The following ZDHHC18 variants were observed in gnomAD, a reference collection of about 807,000 sequenced individuals.
The protein encoded by ZDHHC18 is palmitoyltransferase ZDHHC18.
ZDHHC18 carries 23 observed loss-of-function variants against 37.5 expected under a neutral mutation model. That is an observed-to-expected ratio of 0.61 (90% CI 0.44 to 0.87). The LOEUF (loss-of-function observed/expected upper bound fraction) is 0.87, where lower values mean the gene tolerates loss of function less well. ZDHHC18 is among the 40% of genes least tolerant of loss of function. ZDHHC18 has a pLI of 0.00. For synonymous variants in ZDHHC18, 185 were observed against 218.7 expected (o/e 0.85, Z 1.36); for missense variants, 406 against 525.6 (o/e 0.77, Z 2.22).
chr1:26,844,335 G>A (rs1044825481), intron 2 of ZDHHC18, among the ~76,000 whole-genome samples: 2 of 152,138 alleles, frequency 1.3e-5, no homozygotes, highest in African/African-American at 2.4e-5. Flanking sequence ...CACTGCACCC[G>A]GCCAGACAAT....
Position 26,826,976 on chromosome 1 carries a change from G to T in ZDHHC18, c.172G>T (p.Gly58Trp), listed in dbSNP as rs1430496498. Residue 58 changes from glycine to tryptophan, a missense_variant, in exon 1 of 8, where the codon GGG becomes TGG. By Grantham distance (184) the Gly-to-Trp change is radical. Transcript: ENST00000374142. The surrounding 1 kb of genome is among the most constrained non-coding windows in gnomAD (Gnocchi z 5.2). Reference protein sequence around the residue: ...WSSSGSGSGSGSGSLGRRPRR... With the variant: ...WSSSGSGSGSWSGSLGRRPRR... ...CAGCAGCGGCAGCGGCAGCGGCAGCGGGAGCGGGAGCCTCGGCCGCCGCCC... is the reference window on the plus strand; with the variant it reads ...CAGCAGCGGCAGCGGCAGCGGCAGCTGGAGCGGGAGCCTCGGCCGCCGCCC... 2.6e-5 allele frequency: 32 copies of T among 1,221,952 alleles called. No homozygotes were observed. The highest frequency in any genetic ancestry group is 3.3e-5 in the Non-Finnish European group (32 of 981,622). The allele number at this position is 1,221,952 out of a possible 1,614,324, so 75.7% of individuals were successfully genotyped here. A position where few individuals can be genotyped will look rare whatever the true frequency, so the allele number is the denominator to read the frequency against.
intron 1 of ZDHHC18, among the ~76,000 whole-genome samples, chr1:26,830,804 T>C (rs1473217552): frequency 2.0e-5 from 3 of 152,068 alleles, no homozygotes; most frequent in Non-Finnish European, 4.4e-5. Context: ...GTTGTTGAGA[T>C]AGAGTTTTGC....
At chr1:26,852,983 C>A (rs2081714438) in intron 7 of ZDHHC18, 118 bp downstream of exon 7, 3 of 769,454 alleles carry the variant, frequency 3.9e-6, no homozygotes, top group African/African-American at 3.5e-5. Context: ...CCACTACCCC[C>A]TGGAGGGCAT....
chr1:26,847,687 C>G (rs2081677798), intron 2 of ZDHHC18, among the ~76,000 whole-genome samples: 1 of 151,400 alleles, frequency 6.6e-6, no homozygotes, highest in Non-Finnish European at 1.5e-5. Flanking sequence ...TTCTCTCTCT[C>G]TCTTTTTTTT....
rs1433563792 is a variant in ZDHHC18, at chr1:26,850,304, G to C, written c.650G>C (p.Arg217Pro). Residue 217 changes from arginine (R) to proline (P), a missense_variant, in exon 4 of 8, where the codon CGA (arginine) becomes CCA (proline). Physicochemically the swap from Arg to Pro is moderately radical, Grantham distance 103. Transcript: ENST00000374142. The surrounding 1 kb of genome is among the most constrained non-coding windows in gnomAD (Gnocchi z 6.1). ...ATCGCCCCTTGCCCTTGTCCAGAAC[G>C]ATTTGACCATCACTGCCCCTGGGTG... Reference protein sequence around the residue: ...HCSVCDNCVERFDHHCPWVGN... With the variant: ...HCSVCDNCVEPFDHHCPWVGN... 6.2e-7 allele frequency: 1 copy of C among 1,614,138 alleles called. No homozygotes were observed. Among genetic ancestry groups the C allele is most frequent in the Admixed American group, 1.7e-5 (1 of 60,020 alleles).
In ZDHHC18 at chr1:26,853,819, C is replaced by T. The variant is rs1305063380; in HGVS notation, c.1143C>T (p.Ala381=). 3.1e-6 allele frequency: 5 copies of T among 1,613,844 alleles called. No homozygotes were observed. In the African/African-American group the frequency reaches 6.7e-5, roughly 22 times the overall value. Reference sequence around the variant, plus strand: ...CAGCCTGCAGAGCCAAGCCTGATGCCAGCATGGTAGGAGGCCACCCCTGAC... The same window carrying T: ...CAGCCTGCAGAGCCAAGCCTGATGCTAGCATGGTAGGAGGCCACCCCTGAC... The part of the protein sequence containing the change: ...DEPACRAKPD[A]SMVGGHP Residue 381 remains alanine, a synonymous_variant, in exon 8 of 8, where the codon GCC becomes GCT. Transcript: ENST00000374142.
intron 2 of ZDHHC18, among the ~76,000 whole-genome samples, chr1:26,841,467 G>C (rs376890164): frequency 5.9e-5 from 9 of 152,162 alleles, no homozygotes; most frequent in South Asian, 2.1e-4. Context: ...TGATGGCACA[G>C]AGAAGTTGAG....
Position 26,848,852 on chromosome 1 carries a change from G to A in ZDHHC18, c.646+95G>A. On this transcript the variant is annotated intron_variant, in intron 3 of 7. Transcript: ENST00000374142. Reference sequence around the variant, plus strand: ...TCAAGCATGGGGATGGCGTGGGCAGGGTCTGAAATACCCAGGGCTGGGCAG... The same window carrying A: ...TCAAGCATGGGGATGGCGTGGGCAGAGTCTGAAATACCCAGGGCTGGGCAG... 4 of 1,500,258 alleles carry A rather than the reference G, an allele frequency of 2.7e-6. No homozygotes were observed. The South Asian group carries it at 3.7e-5, about 14-fold the overall frequency. The allele number at this position is 1,500,258 out of a possible 1,614,324, so 92.9% of individuals were successfully genotyped here. A position where few individuals can be genotyped will look rare whatever the true frequency, so the allele number is the denominator to read the frequency against.
intron 2 of ZDHHC18, among the ~76,000 whole-genome samples, chr1:26,846,964 C>T (rs1294024888): frequency 4.0e-5 from 6 of 151,246 alleles, no homozygotes; most frequent in Admixed American, 2.6e-4. Context: ...GGCATGATCT[C>T]GGCTCACTGC....
At chr1:26,853,656 C>T (rs891737567) in intron 7 of ZDHHC18, 70 bp from the exon 8 acceptor site, 3 of 1,433,144 alleles carry the variant, frequency 2.1e-6, no homozygotes, top group Non-Finnish European at 2.0e-6. Flanking sequence ...ATAGACTCTG[C>T]CGTCCAACCC....
intron 2 of ZDHHC18, among the ~76,000 whole-genome samples, chr1:26,834,128 G>A (rs1321617614): frequency 6.6e-6 from 1 of 152,196 alleles, no homozygotes; most frequent in Admixed American, 6.5e-5. Context: ...CTCCCCTTCT[G>A]GTCAGGGCTA....
chr1:26,833,174 A>C (rs2081595783), intron 2 of ZDHHC18, among the ~76,000 whole-genome samples: 1 of 152,234 alleles, frequency 6.6e-6, no homozygotes, highest in Non-Finnish European at 1.5e-5. Flanking sequence ...GGAGCTTGAC[A>C]GTTGAGGAGG....
intron 1 of ZDHHC18, among the ~76,000 whole-genome samples, chr1:26,828,225 C>G (rs1464222657): frequency 2.8e-5 from 3 of 105,424 alleles, no homozygotes; most frequent in African/African-American, 1.1e-4. Context: ...GCTTCATAAG[C>G]CCTGCTGTCC....
intron 1 of ZDHHC18, among the ~76,000 whole-genome samples, chr1:26,827,845 C>T (rs1057220076): frequency 2.0e-5 from 3 of 152,134 alleles, no homozygotes; most frequent in Non-Finnish European, 4.4e-5. Flanking sequence ...GCTTCCTGTC[C>T]TTCCCTCAGA....
chr1:26,841,580 T>G (rs189211739), intron 2 of ZDHHC18, among the ~76,000 whole-genome samples: 45 of 152,262 alleles, frequency 3.0e-4, no homozygotes, highest in Non-Finnish European at 3.8e-4. Flanking sequence ...AAGGAAGCAG[T>G]GAGTGGGGAG....
chr1:26,830,657 T>C (rs1393573265), intron 1 of ZDHHC18, among the ~76,000 whole-genome samples: 3 of 152,216 alleles, frequency 2.0e-5, no homozygotes, highest in African/African-American at 7.2e-5. Flanking sequence ...TGGCAGCAGT[T>C]ATTTACCGGG....
chr1:26,852,905 G>A (rs1192561480), intron 7 of ZDHHC18, 40 bp downstream of exon 7: 5 of 1,589,318 alleles, frequency 3.1e-6, no homozygotes, highest in Admixed American at 1.7e-5. Flanking sequence ...ACAGGGCCAT[G>A]CCTGGCCAGT....
chr1:26,829,310 C>T (rs1038770706), intron 1 of ZDHHC18, among the ~76,000 whole-genome samples: 1 of 152,082 alleles, frequency 6.6e-6, no homozygotes, highest in African/African-American at 2.4e-5. Flanking sequence ...ACTTCTCGCC[C>T]CCACACAACA....
At chr1:26,846,347 G>T (rs1185844151) in intron 2 of ZDHHC18, among the ~76,000 whole-genome samples, 2 of 58,694 alleles carry the variant, frequency 3.4e-5, no homozygotes, top group Admixed American at 2.4e-4. Flanking sequence ...TTTTTTTTGA[G>T]GCAGAGTCTC....
Sources: gnomAD v4.1 joint callset for allele counts (sites outside exome capture counted in the v4.1 genomes callset) on GRCh38, gnomAD v4.1.1 for gene constraint, Gnocchi (gnomAD v3.1) non-coding constraint, MANE v1.5 for transcripts, NCBI Gene and HGNC (gene_info 2026-07-23, HGNC 2026-07-21) for gene names.